Variants in BRK1 observed in about 807,000 individuals in gnomAD.
BRK1 encodes the protein protein BRICK1.
Under a neutral mutation model 9.9 loss-of-function variants are expected in BRK1, and 6 were observed. The observed-to-expected ratio is 0.60, with a 90% CI of 0.33 to 1.19. The LOEUF is 1.19. Among genes scored for constraint, BRK1 ranks in the 50% most tolerant of loss-of-function variants. The probability of loss-of-function intolerance (pLI) is 0.04; values close to 1 mark genes in which losing one functional copy is unlikely to be tolerated. For missense variants in BRK1, 62 were observed against 97.5 expected (o/e 0.64, Z 1.53); for synonymous variants, 44 against 31.9 (o/e 1.38, Z -1.28).
At chr3:10,126,023 G>T (rs1695834836) in intron 2 of BRK1, among the ~76,000 whole-genome samples, 1 of 151,328 alleles carries the variant, frequency 6.6e-6, no homozygotes, top group Non-Finnish European at 1.5e-5. Flanking sequence ...CCTGGGAGGT[G>T]GAGGTTGCAG....
In BRK1 at chr3:10,125,652, A is replaced by G. The variant is rs373926203; in HGVS notation, c.145A>G (p.Thr49Ala). 7.4e-6 allele frequency: 12 copies of G among 1,612,698 alleles called. No homozygotes were observed. In the African/African-American group the frequency reaches 1.5e-4, roughly 20 times the overall value. The part of the protein sequence containing the change: ...FDMSCRSRLA[T>A]LNEKLTALER... ...TATGTCTTGTCGTTCAAGACTTGCA[A>G]CACTAAACGAGAAATTGACAGCCCT... Residue 49 changes from threonine (T) to alanine (A), a missense_variant, in exon 2 of 3, where the codon ACA becomes GCA. Physicochemically the swap from Thr to Ala is moderately conservative, Grantham distance 58. Coordinates refer to ENST00000530758, the MANE Select transcript of BRK1 (RefSeq NM_018462.5).
At chr3:10,124,914 T>G (rs1695816081) in intron 1 of BRK1, among the ~76,000 whole-genome samples, 1 of 152,146 alleles carries the variant, frequency 6.6e-6, no homozygotes. Flanking sequence ...GGAATCTCTT[T>G]TTCTTCTTCC....
intron 1 of BRK1, among the ~76,000 whole-genome samples, chr3:10,121,074 C>T (rs1695749752): frequency 6.6e-6 from 1 of 152,082 alleles, no homozygotes; most frequent in South Asian, 2.1e-4. Flanking sequence ...CATACTTAAG[C>T]TAGACCTGGG....
rs774694263 is a variant in BRK1 at position 10,115,720 on chromosome 3, C to G, written c.19C>G (p.Pro7Ala). The change falls in exon 1 of 3, where the codon CCG becomes GCG. Residue 7 changes from proline to alanine, a missense_variant. Transcript: ENST00000530758. The stretch of plus-strand genomic sequence containing the variant: ...GGCGGCCATGGCGGGACAGGAGGAT[C>G]CGGTGCAGCGGGAGATTCACCAGGA... MAGQED[P>A]VQREIHQDWA... The G allele has an allele frequency of 6.2e-6, 10 of 1,612,658 alleles. No homozygotes were observed. Among genetic ancestry groups the G allele is most frequent in the Non-Finnish European group, 1.7e-6 (2 of 1,179,114 alleles).
intron 1 of BRK1, among the ~76,000 whole-genome samples, chr3:10,121,535 C>G (rs144816005): frequency 2.7e-5 from 4 of 148,678 alleles, no homozygotes; most frequent in African/African-American, 1.0e-4. Flanking sequence ...CACTAATATA[C>G]CAGAATCCAT....
chr3:10,115,858 C>A, intron 1 of BRK1, 39 bp downstream of exon 1: 1 of 1,537,530 alleles, frequency 6.5e-7, no homozygotes, highest in Non-Finnish European at 9.0e-7. Flanking sequence ...AGGAGGGAGG[C>A]CGCTGAGGTG....
chr3:10,118,501 T>C (rs1236626435), intron 1 of BRK1, among the ~76,000 whole-genome samples: 1 of 152,074 alleles, frequency 6.6e-6, no homozygotes, highest in Non-Finnish European at 1.5e-5. Context: ...TAGATTTTTT[T>C]TTTTGAGACA....
intron 1 of BRK1, among the ~76,000 whole-genome samples, chr3:10,117,643 C>T (rs1282510706): frequency 1.2e-4 from 19 of 152,018 alleles, no homozygotes; most frequent in South Asian, 2.1e-4. Context: ...GTGATCCACC[C>T]GCTTCGGCCT....
At chr3:10,123,652 TC>T (rs1695794181) in intron 1 of BRK1, among the ~76,000 whole-genome samples, 2 of 234 alleles carry the variant, frequency 8.5e-3, no homozygotes, top group Non-Finnish European at 0.014. Flanking sequence ...GCCAGGATGG[TC>T]TCCATCTCCT....
rs999437691 is a variant in BRK1, at chr3:10,122,909, T to G, written c.119-2717T>G. ...AGGCAAGATCAGGGTGTAGGAAGAT[T>G]TGTCAAAATGGATGCTGAAGCGCTT... is the stretch of plus-strand genomic sequence containing the variant. On this transcript the variant is annotated intron_variant, in intron 1 of 2. Coordinates refer to ENST00000530758, the MANE Select transcript of BRK1 (RefSeq NM_018462.5). Among the ~76,000 whole-genome samples the G allele has an allele frequency of 2.0e-5, 3 of 152,240 alleles. No individual in the cohort carries two copies. In the East Asian group the frequency reaches 5.8e-4, roughly 29 times the overall value.
intron 1 of BRK1, among the ~76,000 whole-genome samples, chr3:10,117,088 G>A (rs897262931): frequency 6.6e-6 from 1 of 151,918 alleles, no homozygotes; most frequent in African/African-American, 2.4e-5. Flanking sequence ...ACAAAACAAC[G>A]ACAACAAAAA....
chr3:10,116,310 G>C (rs1695684208), intron 1 of BRK1, among the ~76,000 whole-genome samples: 1 of 152,108 alleles, frequency 6.6e-6, no homozygotes, highest in Non-Finnish European at 1.5e-5. Flanking sequence ...CTCCCGTCTT[G>C]TCCATTCCTT....
rs1470744939 is a variant in BRK1 at position 10,126,343 on chromosome 3, A to G, written c.*48A>G. ...GAAGTTGCTTTACACAACACAGGCCACATGGGAAAGGCCCCAGCAGCCTTC... is the reference window on the plus strand; with the variant it reads ...GAAGTTGCTTTACACAACACAGGCCGCATGGGAAAGGCCCCAGCAGCCTTC... On this transcript the variant is annotated 3_prime_UTR_variant, in exon 3 of 3. Coordinates refer to ENST00000530758, the MANE Select transcript of BRK1 (RefSeq NM_018462.5). The G allele has an allele frequency of 3.2e-6, 5 of 1,544,764 alleles. No individual in the cohort carries two copies. In the Admixed American group the frequency reaches 5.8e-5, roughly 18 times the overall value.
chr3:10,122,931 G>A (rs767531407), intron 1 of BRK1, among the ~76,000 whole-genome samples: 3 of 152,156 alleles, frequency 2.0e-5, no homozygotes, highest in African/African-American at 4.8e-5. Flanking sequence ...ATGCTGAAGC[G>A]CTTTTGCAAA....
Position 10,126,417 on chromosome 3 carries a change from C to T in BRK1, c.*122C>T, listed in dbSNP as rs3206986. On this transcript the variant is annotated 3_prime_UTR_variant, in exon 3 of 3. Coordinates refer to ENST00000530758, the MANE Select transcript of BRK1 (RefSeq NM_018462.5). The stretch of plus-strand genomic sequence containing the variant: ...AGCAACAGGGCTTATTCTTGTTTTT[C>T]TTTTTTCAAAAGTGTGGCCTTTGGG... 2 of 950,880 alleles carry T rather than the reference C, an allele frequency of 2.1e-6. No homozygotes were observed. Among genetic ancestry groups the T allele is most frequent in the Admixed American group, 5.4e-5 (2 of 37,176 alleles). 58.9% of individuals were successfully genotyped at this position (950,880 alleles called of 1,614,324 possible).
rs1410327162 is a variant in BRK1 at position 10,126,617 on chromosome 3, C to G, written c.*322C>G. On this transcript the variant is annotated 3_prime_UTR_variant, in exon 3 of 3. Transcript: ENST00000530758. ...TTGTGAAGGTCCTCCTCACCTCTAT[C>G]TTTCTTTCTCTCTCTCTCAAACTTT... is the stretch of plus-strand genomic sequence containing the variant. 3.5e-6 allele frequency: 1 copy of G among 282,048 alleles called. No homozygotes were observed. Among genetic ancestry groups the G allele is most frequent in the Non-Finnish European group, 6.7e-6 (1 of 149,170 alleles). 17.5% of individuals were successfully genotyped at this position (282,048 alleles called of 1,614,324 possible).
In BRK1 at chr3:10,123,634, T is replaced by C. The variant is rs76647486; in HGVS notation, c.119-1992T>C. On this transcript the variant is annotated intron_variant, in intron 1 of 2. Coordinates refer to ENST00000530758, the MANE Select transcript of BRK1 (RefSeq NM_018462.5). ...TATTTTTAATAGAGACGGGGTTTCA[T>C]TGTGTTAGCCAGGATGGTCTCCATC... Among the ~76,000 whole-genome samples the C allele has an allele frequency of 1, 138,790 of 138,878 alleles. 69,351 individuals carry two copies. Among genetic ancestry groups the C allele is most frequent in the Middle Eastern group, 1 (282 of 282 alleles). The allele number at this position is 138,878 out of a possible 152,430, so 91.1% of individuals were successfully genotyped here.
At chr3:10,121,882 C>CTTTT (rs911888155) in intron 1 of BRK1, among the ~76,000 whole-genome samples, 34 of 88,136 alleles carry the variant, frequency 3.9e-4, no homozygotes, top group African/African-American at 7.4e-4. Flanking sequence ...CACCCGGCCA[C>CTTTT]TTTTTTTTTT....
intron 1 of BRK1, among the ~76,000 whole-genome samples, chr3:10,123,506 G>T (rs1695789505): frequency 1.3e-5 from 2 of 149,102 alleles, no homozygotes; most frequent in African/African-American, 5.0e-5. Flanking sequence ...TGCAATCTCG[G>T]CTCACTGCTA....
Sources: allele counts gnomAD v4.1 joint callset (sites outside exome capture counted in the v4.1 genomes callset), GRCh38; gene constraint gnomAD v4.1.1; transcripts MANE v1.5; gene names NCBI Gene and HGNC (gene_info 2026-07-23, HGNC 2026-07-21).